The following NOX4 variants were observed in gnomAD, a reference collection of about 807,000 sequenced individuals.
The protein encoded by NOX4 is kidney oxidase-1.
In NOX4, 69 loss-of-function variants were observed where a neutral mutation model predicts 87.6. The observed-to-expected ratio is 0.79, with a 90% CI of 0.65 to 0.96. The LOEUF is 0.96. Among genes scored for constraint, NOX4 ranks in the 40% least tolerant of loss-of-function variants. The pLI is 0.00. For synonymous variants in NOX4, 275 were observed against 238.2 expected, an observed-to-expected ratio of 1.15 and a Z score of -1.42; for missense variants, 680 against 681.5, an observed-to-expected ratio of 1.00 and a Z score of 0.02.
chr11:89,488,339 CCTGT>C (rs1303792767), intron 2 of NOX4, among the ~76,000 whole-genome samples: 14 of 151,340 alleles, frequency 9.3e-5, no homozygotes, highest in Admixed American at 9.2e-4. Flanking sequence ...AGCTCATTAC[CCTGT>C]CTGTTATTCA....
chr11:89,341,378 C>T (rs1945995151), intron 14 of NOX4, among the ~76,000 whole-genome samples: 1 of 152,270 alleles, frequency 6.6e-6, no homozygotes, highest in African/African-American at 2.4e-5. Context: ...CCACCTCGGC[C>T]TCCCACAGTG....
chr11:89,456,371 G>T (rs1260516063), intron 2 of NOX4, among the ~76,000 whole-genome samples: 1 of 152,054 alleles, frequency 6.6e-6, no homozygotes, highest in Non-Finnish European at 1.5e-5. Flanking sequence ...ATTTTGAAAA[G>T]ACTAAAGATT....
At chr11:89,496,942 C>T (rs987970556), upstream of NOX4, among the ~76,000 whole-genome samples, 1 of 152,190 alleles carries the variant, frequency 6.6e-6, no homozygotes, top group Non-Finnish European at 1.5e-5. Context: ...CAGTAACTAA[C>T]TTGAACTACC....
At position 89,486,672 on chromosome 11, in the gene NOX4, A is replaced by G. The variant is rs752604395; in HGVS notation, c.153+3786T>C. ...TATATATGTGTATATATACATATAT[A>G]TGTGTGTATATATGTGTATATATAC... On this transcript the variant is annotated intron_variant, in intron 2 of 17. Coordinates refer to ENST00000263317, the MANE Select transcript of NOX4 (RefSeq NM_016931.5). Among the ~76,000 whole-genome samples, 18 of 88,330 alleles carry G rather than the reference A, an allele frequency of 2.0e-4. 1 individual carries two copies. The highest frequency in any genetic ancestry group is 6.5e-4 in the South Asian group (2 of 3,066). 57.9% of individuals were successfully genotyped at this position (88,330 alleles called of 152,430 possible).
intron 17 of NOX4, among the ~76,000 whole-genome samples, chr11:89,328,962 T>G (rs911401508): frequency 1.1e-4 from 17 of 152,002 alleles, no homozygotes; most frequent in African/African-American, 4.1e-4. Context: ...CATTTTGACC[T>G]TAAACTTCCA....
chr11:89,497,964 T>C (rs1350314546), intron 1 of NOX4: 1 of 152,230 alleles, frequency 6.6e-6, no homozygotes, highest in East Asian at 1.9e-4. Context: ...TCCATTTATG[T>C]GTATGCTTTA....
rs535968597 is a variant in NOX4 at position 89,353,000 on chromosome 11, A to G, written c.1217+1962T>C. 2.0e-5 allele frequency among the ~76,000 whole-genome samples: 3 copies of G among 152,242 alleles called. No individual in the cohort carries two copies. In the South Asian group the frequency reaches 6.2e-4, roughly 32 times the overall value. On this transcript the variant is annotated intron_variant, in intron 13 of 17. Coordinates refer to ENST00000263317, the MANE Select transcript of NOX4 (RefSeq NM_016931.5). ...ACAGCTGGCTAATTTTTGTATTTTT[A>G]GTAGAGATGGGTTTCACCATGTTGG... is the stretch of plus-strand genomic sequence containing the variant.
intron 8 of NOX4, among the ~76,000 whole-genome samples, chr11:89,413,378 T>A (rs916321402): frequency 8.5e-5 from 13 of 152,278 alleles, no homozygotes; most frequent in South Asian, 2.1e-4. Context: ...TACCTGCACT[T>A]GCATGTTTAT....
chr11:89,507,604 T>C, the NOX4 span, among the ~76,000 whole-genome samples: 6 of 151,834 alleles, frequency 4.0e-5, no homozygotes, highest in Non-Finnish European at 1.5e-5. Context: ...TAAAAGCTAT[T>C]CTCAAATCTA....
intron 11 of NOX4, among the ~76,000 whole-genome samples, chr11:89,386,964 T>A (rs1940757030): frequency 6.6e-6 from 1 of 152,140 alleles, no homozygotes; most frequent in Non-Finnish European, 1.5e-5. Flanking sequence ...AATCATTTTA[T>A]ACGACAAATG....
intron 15 of NOX4, among the ~76,000 whole-genome samples, chr11:89,338,438 C>T (rs1465294807): frequency 3.3e-5 from 5 of 152,018 alleles, no homozygotes; most frequent in Admixed American, 6.6e-5. Context: ...GTGAATAATG[C>T]TTCTATGGGC....
At chr11:89,503,174 T>C (rs1475706487), upstream of NOX4, among the ~76,000 whole-genome samples, 2 of 152,034 alleles carry the variant, frequency 1.3e-5, no homozygotes, top group African/African-American at 2.4e-5. Flanking sequence ...TTCCTTTTTA[T>C]ATATTTGGAA....
At chr11:89,421,849 T>C (rs755217199) in intron 8 of NOX4, 53 bp downstream of exon 8, 1 of 1,077,342 alleles carries the variant, frequency 9.3e-7, no homozygotes, top group South Asian at 1.5e-5. Context: ...TTTTCTTTCA[T>C]TACCCCATTT....
At chr11:89,405,152 C>T (rs1398323071) in intron 8 of NOX4, among the ~76,000 whole-genome samples, 1 of 141,866 alleles carries the variant, frequency 7.0e-6, no homozygotes. Context: ...GTCTTAATAC[C>T]AGGCAAATAA....
chr11:89,362,173 G>GACACACACACAC (rs148208109), intron 12 of NOX4, among the ~76,000 whole-genome samples: 10 of 147,020 alleles, frequency 6.8e-5, no homozygotes, highest in African/African-American at 2.5e-4. Flanking sequence ...CACAGACACA[G>GACACACACACAC]ACACACACAC....
chr11:89,421,213 C>A (rs949375946), intron 8 of NOX4, among the ~76,000 whole-genome samples: 3 of 152,172 alleles, frequency 2.0e-5, no homozygotes, highest in East Asian at 3.9e-4. Flanking sequence ...GAATGTCACG[C>A]CAAAGCCATC....
At chr11:89,472,085 C>T (rs923475220) in intron 2 of NOX4, among the ~76,000 whole-genome samples, 1 of 152,066 alleles carries the variant, frequency 6.6e-6, no homozygotes, top group Non-Finnish European at 1.5e-5. Context: ...GATAAGGTTT[C>T]ATATGAAAAC....
intron 16 of NOX4, chr11:89,336,206 A>AT (rs1413803444): frequency 1.8e-5 from 5 of 282,354 alleles, no homozygotes; most frequent in Non-Finnish European, 2.0e-5. Flanking sequence ...AGGTAGAAAA[A>AT]TTTGATTTTT....
At chr11:89,566,287 C>T in the NOX4 span, among the ~76,000 whole-genome samples, 4 of 151,994 alleles carry the variant, frequency 2.6e-5, no homozygotes, top group Non-Finnish European at 5.9e-5. Context: ...TTGTGCTCCC[C>T]GCCCTTTGCC....
Sources: allele counts gnomAD v4.1 joint callset (sites outside exome capture counted in the v4.1 genomes callset), GRCh38; gene constraint gnomAD v4.1.1; transcripts MANE v1.5; gene names NCBI Gene and HGNC (gene_info 2026-07-23, HGNC 2026-07-21).